Variants in PARD3 observed in about 807,000 individuals in gnomAD.
PARD3 encodes the protein partitioning defective 3 homolog.
Under a neutral mutation model 155.4 loss-of-function variants are expected in PARD3, and 75 were observed. The ratio of observed to expected loss-of-function variants is 0.48; its 90% CI spans 0.40 to 0.58. PARD3 has a LOEUF of 0.58. PARD3 is among the 20% of genes least tolerant of loss of function. The pLI, the probability that PARD3 is intolerant of heterozygous loss-of-function variation, is 0.00. For synonymous variants in PARD3, 576 were observed against 610.5 expected, an observed-to-expected ratio of 0.94 and a Z score of 0.83; for missense variants, 1,642 against 1,721.7, an observed-to-expected ratio of 0.95 and a Z score of 0.82.
At chr10:34,281,649 T>C (rs2133920338) in intron 21 of PARD3, among the ~76,000 whole-genome samples, 1 of 152,302 alleles carries the variant, frequency 6.6e-6, no homozygotes, top group South Asian at 2.1e-4. Context: ...CAGAACAATC[T>C]AGTATATTGT....
chr10:34,797,415 G>A (rs1034282420), intron 1 of PARD3, among the ~76,000 whole-genome samples: 14 of 152,158 alleles, frequency 9.2e-5, no homozygotes, highest in African/African-American at 1.7e-4. Flanking sequence ...GTCTCCCAAC[G>A]TGCTGGAATT....
At chr10:34,705,661 C>T (rs2094352878) in intron 1 of PARD3, among the ~76,000 whole-genome samples, 1 of 152,064 alleles carries the variant, frequency 6.6e-6, no homozygotes, top group Non-Finnish European at 1.5e-5. Context: ...AAATAATGAC[C>T]TGTATCACCA....
chr10:34,790,057 T>C (rs151229916), intron 1 of PARD3, among the ~76,000 whole-genome samples: 3,414 of 152,278 alleles, frequency 0.022, 50 homozygotes, highest in Middle Eastern at 0.078. Flanking sequence ...CTTTGAGTTG[T>C]GATAAAACTT....
chr10:34,580,266 G>C (rs2087315824), intron 2 of PARD3, among the ~76,000 whole-genome samples: 1 of 152,076 alleles, frequency 6.6e-6, no homozygotes, highest in African/African-American at 2.4e-5. Context: ...AGGCACAGTA[G>C]TTCATGCCTG....
chr10:34,349,749 A>C (rs190910117), intron 14 of PARD3, among the ~76,000 whole-genome samples: 1 of 152,252 alleles, frequency 6.6e-6, no homozygotes, highest in East Asian at 1.9e-4. Context: ...ATAATTTATC[A>C]AAAGACAGAC....
At chr10:34,363,503 T>C (rs1474286973) in intron 12 of PARD3, among the ~76,000 whole-genome samples, 4 of 152,214 alleles carry the variant, frequency 2.6e-5, no homozygotes, top group Non-Finnish European at 5.9e-5. Flanking sequence ...TTTTAGAACT[T>C]AGTTCTCTGG....
At chr10:34,577,588 C>T (rs2086999152) in intron 2 of PARD3, among the ~76,000 whole-genome samples, 1 of 152,198 alleles carries the variant, frequency 6.6e-6, no homozygotes, top group South Asian at 2.1e-4. Context: ...TGTTCACACA[C>T]CTTTCCTTCT....
chr10:34,670,563 T>C (rs2093592391), intron 2 of PARD3, among the ~76,000 whole-genome samples: 3 of 152,172 alleles, frequency 2.0e-5, no homozygotes, highest in African/African-American at 7.2e-5. Context: ...CCCAACCCCA[T>C]CCCACTACCA....
chr10:34,741,735 C>T (rs1263107659), intron 1 of PARD3, among the ~76,000 whole-genome samples: 1 of 152,120 alleles, frequency 6.6e-6, no homozygotes, highest in African/African-American at 2.4e-5. Flanking sequence ...CCTATTGTCC[C>T]TCATTGTGTA....
intron 1 of PARD3, among the ~76,000 whole-genome samples, chr10:34,697,709 T>C (rs544144982): frequency 1.1e-4 from 16 of 152,024 alleles, no homozygotes; most frequent in Non-Finnish European, 2.1e-4. Context: ...CTCATCTATC[T>C]GGACCTCTAT....
intron 1 of PARD3, among the ~76,000 whole-genome samples, chr10:34,736,980 A>G (rs2094927350): frequency 6.6e-6 from 1 of 152,166 alleles, no homozygotes; most frequent in Non-Finnish European, 1.5e-5. Flanking sequence ...CCTGGCCAAA[A>G]TAGGTGACTT....
At chr10:34,404,600 GT>G (rs147177047) in intron 5 of PARD3, among the ~76,000 whole-genome samples, 7 of 147,126 alleles carry the variant, frequency 4.8e-5, no homozygotes, top group African/African-American at 7.5e-5. Flanking sequence ...ACAGCCATTT[GT>G]TTTTTTTTTC....
intron 22 of PARD3, among the ~76,000 whole-genome samples, chr10:34,146,329 A>G (rs1948503199): frequency 6.6e-6 from 1 of 152,188 alleles, no homozygotes; most frequent in Non-Finnish European, 1.5e-5. Flanking sequence ...AAATGTTCCA[A>G]AATGGTAACA....
intron 22 of PARD3, among the ~76,000 whole-genome samples, chr10:34,171,229 G>C (rs1477343575): frequency 2.6e-5 from 4 of 152,116 alleles, no homozygotes; most frequent in African/African-American, 9.7e-5. Flanking sequence ...GAAGGTTAAC[G>C]GATCTTTTAC....
rs538981002 is a variant in PARD3, at chr10:34,645,394, C to T, written c.222+50924G>A. 1.4e-3 allele frequency among the ~76,000 whole-genome samples: 208 copies of T among 151,142 alleles called. 1 individual carries two copies. Among genetic ancestry groups the T allele is most frequent in the Non-Finnish European group, 2.4e-3 (165 of 67,786 alleles). On this transcript the variant is annotated intron_variant, in intron 2 of 24. Transcript: ENST00000374788. The stretch of plus-strand genomic sequence containing the variant: ...CTAATTTTTGTATTATTAGTAGAGA[C>T]GGGGTTTCATCGTGTTGACCAGGCT...
chr10:34,250,765 T>C (rs1954260833), intron 22 of PARD3, among the ~76,000 whole-genome samples: 1 of 123,886 alleles, frequency 8.1e-6, no homozygotes, highest in Non-Finnish European at 2.0e-5. Context: ...CTTATTTTAA[T>C]TATCATATAA....
intron 22 of PARD3, among the ~76,000 whole-genome samples, chr10:34,219,970 A>G (rs1217297398): frequency 6.6e-6 from 1 of 152,224 alleles, no homozygotes; most frequent in Non-Finnish European, 1.5e-5. Flanking sequence ...TTACGAACGC[A>G]TCAGTCCCTG....
At chr10:34,660,386 A>G (rs2093290837) in intron 2 of PARD3, among the ~76,000 whole-genome samples, 1 of 152,174 alleles carries the variant, frequency 6.6e-6, no homozygotes, top group South Asian at 2.1e-4. Context: ...ATTTTTCTCT[A>G]AAAAGGGGCA....
chr10:34,174,446 AG>A, intron 22 of PARD3, among the ~76,000 whole-genome samples: 1 of 152,356 alleles, frequency 6.6e-6, no homozygotes, highest in East Asian at 1.9e-4. Flanking sequence ...ACTACAGAAA[AG>A]AAATGCTTGT....
Sources: allele counts gnomAD v4.1 joint callset (sites outside exome capture counted in the v4.1 genomes callset), GRCh38; gene constraint gnomAD v4.1.1; transcripts MANE v1.5; gene names NCBI Gene and HGNC (gene_info 2026-07-23, HGNC 2026-07-21).